Variants in PAX3 observed in about 807,000 individuals in gnomAD.
The protein encoded by PAX3 is paired box 3.
PAX3 carries 14 observed loss-of-function variants against 51.6 expected under a neutral mutation model. That is an observed-to-expected ratio of 0.27 (90% CI 0.18 to 0.42). PAX3 has a LOEUF of 0.42. Ranked by LOEUF, PAX3 falls within the 10% of genes least tolerant of loss-of-function variation. The pLI, the probability that PAX3 is intolerant of heterozygous loss-of-function variation, is 1.00. For missense variants in PAX3, 540 were observed against 642.8 expected, an observed-to-expected ratio of 0.84 and a Z score of 1.73; for synonymous variants, 280 against 253.4, an observed-to-expected ratio of 1.11 and a Z score of -1.00.
chr2:222,235,333 G>A (rs926193554), intron 4 of PAX3, among the ~76,000 whole-genome samples: 1 of 152,158 alleles, frequency 6.6e-6, no homozygotes, highest in Non-Finnish European at 1.5e-5. Context: ...ATAAGGACAC[G>A]TTGAATGAAT....
chr2:222,235,520 T>C (rs1406960857), intron 4 of PAX3, among the ~76,000 whole-genome samples: 1 of 152,234 alleles, frequency 6.6e-6, no homozygotes, highest in East Asian at 1.9e-4. Flanking sequence ...CAGGTATTTA[T>C]ATACCTGCAT....
chr2:222,239,213 T>C (rs1692912472), intron 4 of PAX3, among the ~76,000 whole-genome samples: 1 of 152,204 alleles, frequency 6.6e-6, no homozygotes, highest in Non-Finnish European at 1.5e-5. Flanking sequence ...CCACGCTCCA[T>C]CTGTGGAATC....
chr2:222,290,317 C>T (rs976331521), intron 4 of PAX3, among the ~76,000 whole-genome samples: 1 of 152,188 alleles, frequency 6.6e-6, no homozygotes, highest in African/African-American at 2.4e-5. Flanking sequence ...AAAATGGAAA[C>T]TTGAGCAAAG....
At position 222,220,064 on chromosome 2, in the gene PAX3, T is replaced by G. The variant is rs573509381; in HGVS notation, c.1173+76A>C. ...TTATGGTTTAAATTTGGCAATTCAT[T>G]ACACTACTGCCTCAGGGAATTGAAT... On this transcript the variant is annotated intron_variant, in intron 7 of 8. Coordinates refer to ENST00000392070, the MANE Select transcript of PAX3 (RefSeq NM_181458.4). The G allele has an allele frequency of 3.1e-6, 4 of 1,303,114 alleles. No homozygotes were observed. In the African/African-American group the frequency reaches 5.8e-5, roughly 19 times the overall value. The allele number at this position is 1,303,114 out of a possible 1,614,324, so 80.7% of individuals were successfully genotyped here.
rs1202540696 is a variant in PAX3 at position 222,237,653 on chromosome 2, G to A, written c.587-5370C>T. Among the ~76,000 whole-genome samples the A allele has an allele frequency of 2.0e-5, 3 of 152,228 alleles. No homozygotes were observed. In the East Asian group the frequency reaches 5.8e-4, roughly 29 times the overall value. Reference sequence around the variant, plus strand: ...AATCAACTTTGCCAAGATATTAAATGGATTTAAGAAATCAAAGTAGTTCAT... The same window carrying A: ...AATCAACTTTGCCAAGATATTAAATAGATTTAAGAAATCAAAGTAGTTCAT... On this transcript the variant is annotated intron_variant, in intron 4 of 8. Coordinates refer to ENST00000392070, the MANE Select transcript of PAX3 (RefSeq NM_181458.4).
chr2:222,288,297 A>C (rs1469553369), intron 4 of PAX3, among the ~76,000 whole-genome samples: 2 of 152,236 alleles, frequency 1.3e-5, no homozygotes, highest in East Asian at 3.8e-4. Context: ...ACATATCTTC[A>C]TTTTGTGCAA....
intron 4 of PAX3, among the ~76,000 whole-genome samples, chr2:222,252,141 A>G (rs1184376833): frequency 1.3e-5 from 2 of 152,242 alleles, no homozygotes; most frequent in Non-Finnish European, 2.9e-5. Flanking sequence ...GATAAAGTCT[A>G]TTAGAATACA....
Position 222,201,185 on chromosome 2 carries a change from G to C in PAX3, c.*223C>G. On this transcript the variant is annotated 3_prime_UTR_variant, in exon 9 of 9. Coordinates refer to ENST00000392070, the MANE Select transcript of PAX3 (RefSeq NM_181458.4). ...GTTGCATTTGTCTTTTATTGCTCCAGGTCTTCCTCTTCTCCACTGCTTTTG... is the reference window on the plus strand; with the variant it reads ...GTTGCATTTGTCTTTTATTGCTCCACGTCTTCCTCTTCTCCACTGCTTTTG... The C allele has an allele frequency of 1.2e-6, 2 of 1,613,976 alleles. No homozygotes were observed. The highest frequency in any genetic ancestry group is 1.7e-6 in the Non-Finnish European group (2 of 1,179,976).
At chr2:222,216,606 A>G (rs1691967469) in intron 7 of PAX3, among the ~76,000 whole-genome samples, 1 of 152,194 alleles carries the variant, frequency 6.6e-6, no homozygotes, top group African/African-American at 2.4e-5. Context: ...GGCATCTATG[A>G]TGCGCCATTT....
intron 4 of PAX3, among the ~76,000 whole-genome samples, chr2:222,251,869 C>A (rs1485422453): frequency 5.3e-5 from 8 of 152,144 alleles, no homozygotes; most frequent in Non-Finnish European, 1.2e-4. Flanking sequence ...CACAATTTCA[C>A]CATGGCTTTC....
rs550225207 is a variant in PAX3 at position 222,201,638 on chromosome 2, C to T, written c.1421-196G>A. On this transcript the variant is annotated intron_variant, in intron 8 of 8. Transcript: ENST00000392070. ...TCCCCCATATGATCCTGGAGCTGAC[C>T]TCATTAAGAACATGTGTTTCTAATG... 564 of 1,326,088 alleles carry T rather than the reference C, an allele frequency of 4.3e-4. 10 individuals carry two copies. In the South Asian group the frequency reaches 6.2e-3, roughly 15 times the overall value. The allele number at this position is 1,326,088 out of a possible 1,614,324, so 82.1% of individuals were successfully genotyped here.
In PAX3 at chr2:222,274,531, G is replaced by GTT. The variant is rs72237949; in HGVS notation, c.586+19634_586+19635dup. 5.6e-3 allele frequency among the ~76,000 whole-genome samples: 803 copies of GTT among 144,090 alleles called. 6 individuals carry two copies. The highest frequency in any genetic ancestry group is 0.02 in the African/African-American group (765 of 39,100). The allele number at this position is 144,090 out of a possible 152,430, so 94.5% of individuals were successfully genotyped here. ...ACCACCTCTATAAAGGAAGTTTTTT[G>GTT]TTTTTTTTTTTAAAGTCTGCTTTTG... On this transcript the variant is annotated intron_variant, in intron 4 of 8. Transcript: ENST00000392070.
At chr2:222,225,317 T>C (rs1360968185) in intron 5 of PAX3, among the ~76,000 whole-genome samples, 1 of 152,196 alleles carries the variant, frequency 6.6e-6, no homozygotes, top group East Asian at 1.9e-4. Flanking sequence ...TGAAAAATGA[T>C]CTTTACATGC....
At chr2:222,225,877 C>T (rs1321718817) in intron 5 of PAX3, among the ~76,000 whole-genome samples, 1 of 152,144 alleles carries the variant, frequency 6.6e-6, no homozygotes, top group Non-Finnish European at 1.5e-5. Context: ...CTGTGGTGTC[C>T]AGCCAAAGCC....
chr2:222,267,243 G>C (rs10932951), intron 4 of PAX3, among the ~76,000 whole-genome samples: 28,930 of 152,122 alleles, frequency 0.19, 2,996 homozygotes, highest in East Asian at 0.37. Flanking sequence ...AAGGACAAAA[G>C]TTGATGAAAA....
rs1452186754 is a variant in PAX3 at position 222,220,132 on chromosome 2, G to A, written c.1173+8C>T. 6.2e-7 allele frequency: 1 copy of A among 1,611,906 alleles called. No individual in the cohort carries two copies. The highest frequency in any genetic ancestry group is 1.7e-5 in the Admixed American group (1 of 59,968). On this transcript the variant is annotated splice_region_variant and intron_variant, in intron 7 of 8. Coordinates refer to ENST00000392070, the MANE Select transcript of PAX3 (RefSeq NM_181458.4). Reference sequence around the variant, plus strand: ...AGCAAATCGTCTGTCTAGAAACACGGGACTGACCTGAGGTGAGAGGCCATT... The same window carrying A: ...AGCAAATCGTCTGTCTAGAAACACGAGACTGACCTGAGGTGAGAGGCCATT...
Position 222,233,563 on chromosome 2 carries a change from T to C in PAX3, c.587-1280A>G, listed in dbSNP as rs746601595. ...ATAGCAAAGTGAACCCTTACAGTAA[T>C]AGAGCAACGCTGGCTATAGAGGGTT... On this transcript the variant is annotated intron_variant, in intron 4 of 8. Coordinates refer to ENST00000392070, the MANE Select transcript of PAX3 (RefSeq NM_181458.4). 3.9e-5 allele frequency among the ~76,000 whole-genome samples: 6 copies of C among 152,138 alleles called. No individual in the cohort carries two copies. The East Asian group carries it at 9.7e-4, about 25-fold the overall frequency.
chr2:222,226,916 T>C (rs533859863), intron 5 of PAX3, among the ~76,000 whole-genome samples: 3 of 151,960 alleles, frequency 2.0e-5, no homozygotes, highest in African/African-American at 7.2e-5. Flanking sequence ...TAGTTAACAG[T>C]TGTATATACA....
At position 222,221,259 on chromosome 2, in the gene PAX3, C is replaced by T; in HGVS notation, c.921G>A (p.Leu307=). 1 of 1,614,044 alleles carries T rather than the reference C, an allele frequency of 6.2e-7. No homozygotes were observed. Among genetic ancestry groups the T allele is most frequent in the South Asian group, 1.1e-5 (1 of 91,078 alleles). The part of the protein sequence containing the change: ...TAMPTLPTYQ[L]SETSYQPTSI... Reference sequence around the variant, plus strand: ...ATGTGGGCTGGTAAGAGGTCTCCGACAGCTGGTACGTTGGCAAGGTCGGCA... The same window carrying T: ...ATGTGGGCTGGTAAGAGGTCTCCGATAGCTGGTACGTTGGCAAGGTCGGCA... Residue 307 remains leucine, a synonymous_variant, in exon 6 of 9, where the codon CTG becomes CTA. Coordinates refer to ENST00000392070, the MANE Select transcript of PAX3 (RefSeq NM_181458.4).
Sources: allele counts gnomAD v4.1 joint callset (sites outside exome capture counted in the v4.1 genomes callset), GRCh38; gene constraint gnomAD v4.1.1; transcripts MANE v1.5; gene names NCBI Gene and HGNC (gene_info 2026-07-23, HGNC 2026-07-21).